Variants in SEC22A observed in about 807,000 individuals in gnomAD.
The protein encoded by SEC22A is vesicle-trafficking protein SEC22a.
In SEC22A, 22 loss-of-function variants were observed where a neutral mutation model predicts 35.3. The ratio of observed to expected loss-of-function variants is 0.62; its 90% CI spans 0.45 to 0.89. The LOEUF is 0.89. Among genes scored for constraint, SEC22A ranks in the 40% least tolerant of loss-of-function variants. The pLI is 0.00. For synonymous variants in SEC22A, 119 were observed against 129.5 expected (o/e 0.92, Z 0.55); for missense variants, 354 against 362.5 (o/e 0.98, Z 0.19).
intron 2 of SEC22A, among the ~76,000 whole-genome samples, chr3:123,214,451 T>A (rs1936988835): frequency 6.6e-6 from 1 of 152,186 alleles, no homozygotes; most frequent in South Asian, 2.1e-4. Flanking sequence ...GAAACCTTGT[T>A]GATTGGGCAG....
chr3:123,215,254 A>G (rs1445418183), intron 2 of SEC22A, among the ~76,000 whole-genome samples: 2 of 152,196 alleles, frequency 1.3e-5, no homozygotes, highest in African/African-American at 4.8e-5. Flanking sequence ...CACAGATGTT[A>G]TCAGGAATCT....
Position 123,254,629 on chromosome 3 carries a change from A to T in SEC22A, c.658-4895A>T, listed in dbSNP as rs918199430. Reference sequence around the variant, plus strand: ...AGCCCTGCTGTTCTTTAAAAAACAAACAATAACAAAACCAAAAAAGCCTCT... The same window carrying T: ...AGCCCTGCTGTTCTTTAAAAAACAATCAATAACAAAACCAAAAAAGCCTCT... On this transcript the variant is annotated intron_variant, in intron 5 of 6. Coordinates refer to ENST00000492595, the MANE Select transcript of SEC22A (RefSeq NM_012430.5). Among the ~76,000 whole-genome samples, 8 of 152,190 alleles carry T rather than the reference A, an allele frequency of 5.3e-5. No homozygotes were observed. In the East Asian group the frequency reaches 1.2e-3, roughly 22 times the overall value.
intron 1 of SEC22A, among the ~76,000 whole-genome samples, chr3:123,207,419 G>A (rs1936870509): frequency 6.6e-6 from 1 of 152,004 alleles, no homozygotes; most frequent in African/African-American, 2.4e-5. Flanking sequence ...TAGTCTCTAA[G>A]ATACAATATT....
chr3:123,213,483 A>G (rs892864559), intron 2 of SEC22A, among the ~76,000 whole-genome samples: 1 of 151,898 alleles, frequency 6.6e-6, no homozygotes, highest in Non-Finnish European at 1.5e-5. Flanking sequence ...TTCAAACCCT[A>G]CTTCTTTTGA....
intron 4 of SEC22A, among the ~76,000 whole-genome samples, chr3:123,231,423 AAAAG>A (rs1433296892): frequency 6.6e-5 from 10 of 152,338 alleles, no homozygotes; most frequent in South Asian, 6.2e-4. Context: ...AAACAAAACA[AAAAG>A]AAAAACAAAA....
Position 123,246,018 on chromosome 3 carries a change from C to T in SEC22A, c.657+4C>T. The T allele has an allele frequency of 6.4e-7, 1 of 1,557,798 alleles. No homozygotes were observed. The highest frequency in any genetic ancestry group is 8.8e-7 in the Non-Finnish European group (1 of 1,131,456). The stretch of plus-strand genomic sequence containing the variant: ...TGCTATAGAAAGTCTCCTGCAGGTA[C>T]TGTGCTATTTTTGCAATTTCAGGTG... On this transcript the variant is annotated splice_donor_region_variant and intron_variant, in intron 5 of 6. Coordinates refer to ENST00000492595, the MANE Select transcript of SEC22A (RefSeq NM_012430.5).
At chr3:123,210,676 A>G (rs1936927645) in intron 2 of SEC22A, among the ~76,000 whole-genome samples, 1 of 152,214 alleles carries the variant, frequency 6.6e-6, no homozygotes. Flanking sequence ...CTTAGACGTG[A>G]AACAATTAGA....
intron 2 of SEC22A, among the ~76,000 whole-genome samples, chr3:123,211,760 CTTTAATTA>C (rs965647219): frequency 5.9e-5 from 9 of 152,068 alleles, no homozygotes; most frequent in African/African-American, 2.2e-4. Context: ...ACCTGGCCCA[CTTTAATTA>C]TTTAACTTGA....
chr3:123,251,637 T>A (rs935417284), intron 5 of SEC22A, among the ~76,000 whole-genome samples: 10 of 152,314 alleles, frequency 6.6e-5, no homozygotes, highest in Middle Eastern at 3.4e-3. Flanking sequence ...TTGGGGATAA[T>A]GTAGTCCACA....
At chr3:123,227,729 A>G (rs1937240235) in intron 4 of SEC22A, among the ~76,000 whole-genome samples, 1 of 152,160 alleles carries the variant, frequency 6.6e-6, no homozygotes, top group Non-Finnish European at 1.5e-5. Flanking sequence ...ACCTTTTTGA[A>G]TCACGAGGTC....
chr3:123,246,410 G>T (rs2108078380), intron 5 of SEC22A, among the ~76,000 whole-genome samples: 1 of 152,302 alleles, frequency 6.6e-6, no homozygotes, highest in Non-Finnish European at 1.5e-5. Flanking sequence ...ACTGGTCCTG[G>T]AAAGATCTGA....
intron 5 of SEC22A, among the ~76,000 whole-genome samples, chr3:123,249,174 G>C (rs1338457594): frequency 6.6e-6 from 1 of 152,176 alleles, no homozygotes; most frequent in Non-Finnish European, 1.5e-5. Context: ...AAAGAGTCCT[G>C]AGCACAGGAA....
At chr3:123,222,125 ATT>A (rs35556808) in intron 2 of SEC22A, among the ~76,000 whole-genome samples, 33,876 of 147,796 alleles carry the variant, frequency 0.23, 3,887 homozygotes, top group Middle Eastern at 0.3. Flanking sequence ...GCTTTATAGC[ATT>A]TTTTTTTTTT....
intron 4 of SEC22A, among the ~76,000 whole-genome samples, chr3:123,233,608 C>G (rs185062810): frequency 1.3e-5 from 2 of 151,562 alleles, no homozygotes; most frequent in African/African-American, 4.8e-5. Context: ...GCAGAAAAAG[C>G]ATTTGACAAA....
chr3:123,253,726 AAAAG>A (rs1194284923), intron 5 of SEC22A, among the ~76,000 whole-genome samples: 13 of 151,256 alleles, frequency 8.6e-5, no homozygotes, highest in Admixed American at 2.0e-4. Flanking sequence ...AAAAAAAAAA[AAAAG>A]AAAGAAAGAA....
In SEC22A at chr3:123,247,057, AC is replaced by A. The variant is rs143472029; in HGVS notation, c.657+1044del. Among the ~76,000 whole-genome samples the A allele has an allele frequency of 4.6e-4, 70 of 152,318 alleles. No homozygotes were observed. In the East Asian group the frequency reaches 0.011, roughly 24 times the overall value. On this transcript the variant is annotated intron_variant, in intron 5 of 6. Coordinates refer to ENST00000492595, the MANE Select transcript of SEC22A (RefSeq NM_012430.5). ...TTAAAGCTCGTCTCCCCTTTTATGC[AC>A]AGGACAGCTGGCTGCTGTCCCTCGG...
intron 3 of SEC22A, among the ~76,000 whole-genome samples, chr3:123,224,630 AAAAT>A (rs1180237468): frequency 1.1e-4 from 16 of 152,156 alleles, no homozygotes; most frequent in African/African-American, 7.2e-5. Flanking sequence ...TGTCTGTACA[AAAAT>A]AAATAAATAA....
Position 123,273,204 on chromosome 3 carries a change from A to C in SEC22A, c.*1482A>C, listed in dbSNP as rs891282134. 2 of 152,222 alleles carry C rather than the reference A, an allele frequency of 1.3e-5. No homozygotes were observed. The highest frequency in any genetic ancestry group is 4.8e-5 in the African/African-American group (2 of 41,462). The allele number at this position is 152,222 out of a possible 1,614,324, so 9.4% of individuals were successfully genotyped here. On this transcript the variant is annotated 3_prime_UTR_variant, in exon 7 of 7. Transcript: ENST00000492595. ...ATTAAGTAGAGAAATAGAGGGTAAA[A>C]AGTTAGTGAACTGTCTTGTTTGCGT...
chr3:123,236,168 G>C (rs1040036476), intron 4 of SEC22A, among the ~76,000 whole-genome samples: 1 of 152,080 alleles, frequency 6.6e-6, no homozygotes, highest in Non-Finnish European at 1.5e-5. Flanking sequence ...CCTGAATTGT[G>C]TGTTTTAAAA....
Sources: gnomAD v4.1 joint callset for allele counts (sites outside exome capture counted in the v4.1 genomes callset) on GRCh38, gnomAD v4.1.1 for gene constraint, MANE v1.5 for transcripts, NCBI Gene and HGNC (gene_info 2026-07-23, HGNC 2026-07-21) for gene names.